RELN: variants seen among roughly 807,000 people sequenced by gnomAD.
The protein encoded by RELN is reelin.
In RELN, 108 loss-of-function variants were observed where a neutral mutation model predicts 427.6. That is an observed-to-expected ratio of 0.25 (90% confidence interval 0.22 to 0.30). RELN has a LOEUF of 0.30. Ranked by LOEUF, RELN falls within the 10% of genes least tolerant of loss-of-function variation. The pLI is 1.00. For synonymous variants in RELN, 1,524 were observed against 1,513.4 expected, an observed-to-expected ratio of 1.01 and a Z score of -0.16; for missense variants, 3,715 against 4,302.8, an observed-to-expected ratio of 0.86 and a Z score of 3.82.
chr7:103,806,298 G>A (rs1792597675), intron 3 of RELN, among the ~76,000 whole-genome samples: 1 of 151,920 alleles, frequency 6.6e-6, no homozygotes, highest in African/African-American at 2.4e-5. Flanking sequence ...TATTGAGGGG[G>A]AATGGAACTC....
intron 1 of RELN, among the ~76,000 whole-genome samples, chr7:103,985,467 T>C (rs1418913419): frequency 1.1e-4 from 16 of 152,218 alleles, no homozygotes; most frequent in Admixed American, 1.0e-3. Flanking sequence ...TCATGCACAA[T>C]GTCTTCTTCT....
chr7:103,923,946 T>C (rs1795670021), intron 1 of RELN, among the ~76,000 whole-genome samples: 2 of 152,190 alleles, frequency 1.3e-5, no homozygotes, highest in South Asian at 4.1e-4. Context: ...CAATATCCTA[T>C]GTGATAATTA....
At chr7:103,715,806 TCCCAAGCC>T (rs1258391026) in intron 8 of RELN, among the ~76,000 whole-genome samples, 2 of 152,198 alleles carry the variant, frequency 1.3e-5, no homozygotes, top group Non-Finnish European at 2.9e-5. Flanking sequence ...GCAGGTTTTC[TCCCAAGCC>T]CACAGTAGTT....
intron 1 of RELN, among the ~76,000 whole-genome samples, chr7:103,935,811 GC>G (rs1795969250): frequency 6.6e-6 from 1 of 152,144 alleles, no homozygotes; most frequent in African/African-American, 2.4e-5. Context: ...ATAAGTCTGT[GC>G]CCCTGACCTT....
intron 2 of RELN, among the ~76,000 whole-genome samples, chr7:103,914,775 T>A (rs547710976): frequency 2.6e-5 from 4 of 152,064 alleles, no homozygotes. Flanking sequence ...GCCTGAACTC[T>A]TATCCCCCCA....
chr7:103,984,942 A>G (rs1797065607), intron 1 of RELN, among the ~76,000 whole-genome samples: 1 of 152,218 alleles, frequency 6.6e-6, no homozygotes, highest in South Asian at 2.1e-4. Context: ...ATCATCTGGT[A>G]TTTGAAAGGT....
At chr7:103,788,158 T>C (rs1792067286) in intron 3 of RELN, among the ~76,000 whole-genome samples, 1 of 152,142 alleles carries the variant, frequency 6.6e-6, no homozygotes, top group Non-Finnish European at 1.5e-5. Flanking sequence ...CTAAAAACAC[T>C]CAATAAACTA....
intron 28 of RELN, among the ~76,000 whole-genome samples, chr7:103,587,368 C>T (rs1387126460): frequency 6.6e-6 from 1 of 152,084 alleles, no homozygotes; most frequent in Non-Finnish European, 1.5e-5. Flanking sequence ...TCACCATATA[C>T]AAAAATCAAC....
chr7:103,499,056 C>G (rs928737740), intron 53 of RELN, among the ~76,000 whole-genome samples: 5 of 152,184 alleles, frequency 3.3e-5, no homozygotes, highest in Non-Finnish European at 7.3e-5. Flanking sequence ...CCTTCAGCCT[C>G]TAGCACAGAA....
At chr7:103,908,822 A>T in intron 2 of RELN, among the ~76,000 whole-genome samples, 1 of 152,184 alleles carries the variant, frequency 6.6e-6, no homozygotes, top group Middle Eastern at 3.2e-3. Context: ...ATATCCTGTT[A>T]AAAGGAGAAA....
At chr7:103,480,036 T>G (rs976912730) in intron 63 of RELN, among the ~76,000 whole-genome samples, 7 of 152,184 alleles carry the variant, frequency 4.6e-5, no homozygotes, top group South Asian at 2.1e-4. Context: ...CAAAAACATA[T>G]CAGTAGCCCT....
chr7:103,711,348 C>G (rs1056772063), intron 8 of RELN, among the ~76,000 whole-genome samples: 5 of 152,194 alleles, frequency 3.3e-5, no homozygotes, highest in South Asian at 4.1e-4. Context: ...CCACACAACT[C>G]AGACCCACCT....
rs373465745 is a variant in RELN, at chr7:103,492,683, A to G, written c.9370-657T>C. On this transcript the variant is annotated intron_variant, in intron 57 of 64. Coordinates refer to ENST00000428762, the MANE Select transcript of RELN (RefSeq NM_005045.4). ...GAATAAAACAACTCTAAATTCAGAGAGAGAATAAGAAGCATAATGATAGTG... is the reference window on the plus strand; with the variant it reads ...GAATAAAACAACTCTAAATTCAGAGGGAGAATAAGAAGCATAATGATAGTG... 7.9e-5 allele frequency among the ~76,000 whole-genome samples: 12 copies of G among 152,306 alleles called. No individual in the cohort carries two copies. In the East Asian group the frequency reaches 2.1e-3, roughly 27 times the overall value.
intron 2 of RELN, 45 bp from the exon 3 acceptor site, chr7:103,833,717 G>A: frequency 6.4e-7 from 1 of 1,569,420 alleles, no homozygotes; most frequent in Non-Finnish European, 8.7e-7. Context: ...ACAAAACAAA[G>A]ATCTTCCTAT....
intron 1 of RELN, among the ~76,000 whole-genome samples, chr7:103,967,176 C>T (rs1284741268): frequency 6.6e-6 from 1 of 152,112 alleles, no homozygotes; most frequent in Non-Finnish European, 1.5e-5. Flanking sequence ...GTAGTAGAGG[C>T]AGGATTCTAA....
At chr7:103,870,531 G>C (rs757046520) in intron 2 of RELN, among the ~76,000 whole-genome samples, 14 of 151,968 alleles carry the variant, frequency 9.2e-5, no homozygotes, top group Non-Finnish European at 1.9e-4. Context: ...TCATCCTTGA[G>C]GATCTCTATC....
chr7:103,652,859 C>A (rs1010481472), intron 13 of RELN, 100 bp from the exon 14 acceptor site: 67 of 1,015,824 alleles, frequency 6.6e-5, no homozygotes, highest in Non-Finnish European at 9.9e-5. Flanking sequence ...TACATAACTG[C>A]CATTTATTAA....
At chr7:103,830,801 G>A (rs1457863382) in intron 3 of RELN, among the ~76,000 whole-genome samples, 3 of 152,008 alleles carry the variant, frequency 2.0e-5, no homozygotes, top group African/African-American at 7.2e-5. Context: ...TGCCCACAAA[G>A]GAAGCAGCTA....
chr7:103,644,113 A>G (rs909037145), intron 16 of RELN, among the ~76,000 whole-genome samples: 1 of 151,876 alleles, frequency 6.6e-6, no homozygotes, highest in Non-Finnish European at 1.5e-5. Flanking sequence ...AGAGAAAAAA[A>G]ATTCCATCCA....
Sources: allele counts gnomAD v4.1 joint callset (sites outside exome capture counted in the v4.1 genomes callset), GRCh38; gene constraint gnomAD v4.1.1; transcripts MANE v1.5; gene names NCBI Gene and HGNC (gene_info 2026-07-23, HGNC 2026-07-21).